RNF214: variants seen among roughly 807,000 people sequenced by gnomAD.
RNF214 encodes the protein ring finger protein 214.
Under a neutral mutation model 75.9 loss-of-function variants are expected in RNF214, and 25 were observed. That is an observed-to-expected ratio of 0.33 (90% CI 0.24 to 0.46). The LOEUF is 0.46. Among genes scored for constraint, RNF214 ranks in the 20% least tolerant of loss-of-function variants. The pLI, the probability that RNF214 is intolerant of heterozygous loss-of-function variation, is 1.00. For missense variants in RNF214, 725 were observed against 857.5 expected (o/e 0.85, Z 1.93); for synonymous variants, 314 against 308.8 (o/e 1.02, Z -0.18).
At chr11:117,251,851 A>G (rs552042566) in intron 6 of RNF214, among the ~76,000 whole-genome samples, 138 of 152,226 alleles carry the variant, frequency 9.1e-4, no homozygotes, top group Non-Finnish European at 1.5e-3. Flanking sequence ...TACAATTTGC[A>G]TTTTATTTTT....
chr11:117,240,324 G>A (rs983937466), intron 4 of RNF214, among the ~76,000 whole-genome samples: 13 of 148,418 alleles, frequency 8.8e-5, no homozygotes, highest in Non-Finnish European at 1.3e-4. Flanking sequence ...TGTGTGAGCC[G>A]TGATTGTGCG....
At chr11:117,276,407 C>G (rs2034016671) in intron 6 of RNF214, among the ~76,000 whole-genome samples, 1 of 152,070 alleles carries the variant, frequency 6.6e-6, no homozygotes, top group Non-Finnish European at 1.5e-5. Flanking sequence ...TCCAGGAGTT[C>G]CAGACCAGCT....
At chr11:117,236,335 G>A (rs760549056) in intron 2 of RNF214, among the ~76,000 whole-genome samples, 4 of 151,542 alleles carry the variant, frequency 2.6e-5, no homozygotes, top group South Asian at 2.1e-4. Flanking sequence ...GTGCAGTGGC[G>A]CGATTTCCGC....
intron 6 of RNF214, among the ~76,000 whole-genome samples, chr11:117,267,180 C>G (rs1215024657): frequency 2.6e-5 from 4 of 151,858 alleles, no homozygotes; most frequent in Non-Finnish European, 4.4e-5. Flanking sequence ...GTATTTTTTT[C>G]TGGTTTGTGG....
intron 1 of RNF214, among the ~76,000 whole-genome samples, chr11:117,233,920 A>G (rs1381285926): frequency 1.3e-5 from 2 of 152,240 alleles, no homozygotes; most frequent in African/African-American, 4.8e-5. Flanking sequence ...CTTTTATTAA[A>G]AATGATAGCA....
intron 4 of RNF214, among the ~76,000 whole-genome samples, chr11:117,241,111 CAG>C (rs1037799034): frequency 9.9e-5 from 15 of 151,920 alleles, no homozygotes; most frequent in African/African-American, 3.6e-4. Context: ...ACCTGGGAGG[CAG>C]AGATTGCAGT....
chr11:117,246,840 T>G lies in RNF214; in HGVS notation c.851T>G (p.Ile284Arg). 1 of 1,610,330 alleles carries G rather than the reference T, an allele frequency of 6.2e-7. No individual in the cohort carries two copies. The highest frequency in any genetic ancestry group is 8.5e-7 in the Non-Finnish European group (1 of 1,177,892). ...TTAAAGGCTATTCAGGATGTGACAATAAAGCGGGAAGAAACAAAGAAGAAG... is the reference window on the plus strand; with the variant it reads ...TTAAAGGCTATTCAGGATGTGACAAGAAAGCGGGAAGAAACAAAGAAGAAG... ...EILKAIQDVT[I>R]KREETKKKIE... The change falls in exon 6 of 15, where the codon ATA (isoleucine) becomes AGA (arginine). Residue 284 changes from isoleucine to arginine, a missense_variant. Transcript: ENST00000300650.
chr11:117,260,348 A>G (rs535138155), intron 6 of RNF214, among the ~76,000 whole-genome samples: 33 of 152,334 alleles, frequency 2.2e-4, no homozygotes, highest in African/African-American at 6.0e-4. Flanking sequence ...TTTTCCATGT[A>G]GATATCCAGT....
chr11:117,248,337 A>G (rs915190569), intron 6 of RNF214, among the ~76,000 whole-genome samples: 5 of 152,182 alleles, frequency 3.3e-5, no homozygotes, highest in African/African-American at 1.2e-4. Context: ...CGGCCTCCCA[A>G]AGTGCTGGGA....
chr11:117,253,622 G>T (rs894618393), intron 6 of RNF214, among the ~76,000 whole-genome samples: 5 of 151,362 alleles, frequency 3.3e-5, no homozygotes, highest in Admixed American at 6.6e-5. Context: ...CGGGAGGATT[G>T]CTTGAGCCCA....
chr11:117,251,072 C>T (rs910466497), intron 6 of RNF214, among the ~76,000 whole-genome samples: 21 of 151,024 alleles, frequency 1.4e-4, no homozygotes, highest in Admixed American at 6.6e-4. Flanking sequence ...CCTTTCCCCC[C>T]TTTCTATTCC....
At chr11:117,235,538 G>A (rs1415509028) in intron 2 of RNF214, among the ~76,000 whole-genome samples, 11 of 130,246 alleles carry the variant, frequency 8.4e-5, no homozygotes, top group South Asian at 2.5e-4. Flanking sequence ...TCGCTCTGTC[G>A]CCCAGACTGG....
At position 117,234,257 on chromosome 11, in the gene RNF214, G is replaced by A. The variant is rs760537766; in HGVS notation, c.-6-10G>A. ...AACTTGTAGCCTGTAATTTGTTTCT[G>A]AATGTACAGAGCATAATGGCAGCGT... is the stretch of plus-strand genomic sequence containing the variant. On this transcript the variant is annotated splice_polypyrimidine_tract_variant and intron_variant, in intron 1 of 14. Transcript: ENST00000300650. 9 of 1,599,460 alleles carry A rather than the reference G, an allele frequency of 5.6e-6. No individual in the cohort carries two copies. The highest frequency in any genetic ancestry group is 7.7e-6 in the Non-Finnish European group (9 of 1,166,884).
intron 2 of RNF214, among the ~76,000 whole-genome samples, chr11:117,235,495 CTTTTTTTTT>C (rs764468370): frequency 3.3e-5 from 4 of 120,626 alleles, no homozygotes; most frequent in East Asian, 4.8e-4. Context: ...CACGCCCAGC[CTTTTTTTTT>C]TTTTTTTTTT....
At chr11:117,235,708 G>T (rs911017405) in intron 2 of RNF214, among the ~76,000 whole-genome samples, 2 of 151,986 alleles carry the variant, frequency 1.3e-5, no homozygotes, top group African/African-American at 4.8e-5. Flanking sequence ...GTTTTGCCAC[G>T]TTGGCCAGAC....
intron 6 of RNF214, among the ~76,000 whole-genome samples, chr11:117,266,539 G>T (rs507880): frequency 0.72 from 108,711 of 151,848 alleles, 40,404 homozygotes; most frequent in East Asian, 0.95. Context: ...TTTGTATTTT[G>T]TTCAGAGACA....
At chr11:117,260,007 G>A (rs970271264) in intron 6 of RNF214, among the ~76,000 whole-genome samples, 1 of 151,250 alleles carries the variant, frequency 6.6e-6, no homozygotes, top group Non-Finnish European at 1.5e-5. Flanking sequence ...ATGTTCTCCT[G>A]TATTTTGTTA....
intron 4 of RNF214, among the ~76,000 whole-genome samples, chr11:117,242,728 C>G (rs1202720536): frequency 3.3e-5 from 5 of 152,190 alleles, no homozygotes; most frequent in African/African-American, 4.8e-5. Flanking sequence ...TGGCGGGTGC[C>G]TGTAATCCCA....
intron 8 of RNF214, among the ~76,000 whole-genome samples, chr11:117,280,982 CTTTTTTTTT>C (rs57955215): frequency 1.1e-5 from 1 of 88,020 alleles, no homozygotes; most frequent in African/African-American, 4.6e-5. Flanking sequence ...AGGAATAGGG[CTTTTTTTTT>C]TTTTTTTTTT....
Sources: allele counts gnomAD v4.1 joint callset (sites outside exome capture counted in the v4.1 genomes callset), GRCh38; gene constraint gnomAD v4.1.1; transcripts MANE v1.5; gene names NCBI Gene and HGNC (gene_info 2026-07-23, HGNC 2026-07-21).